Variants in EYS observed in about 807,000 individuals in gnomAD.
EYS encodes EGF-like photoreceptor maintenance factor.
EYS carries 250 observed loss-of-function variants against 282.1 expected under a neutral mutation model. The observed-to-expected ratio is 0.89, with a 90% CI of 0.80 to 0.98. The LOEUF (loss-of-function observed/expected upper bound fraction) is 0.98. Among genes scored for constraint, EYS ranks in the 50% least tolerant of loss-of-function variants. The pLI is 0.00. For synonymous variants in EYS, 1,355 were observed against 1,282.9 expected (o/e 1.06, Z -1.20); for missense variants, 4,016 against 3,709.0 (o/e 1.08, Z -2.15).
intron 36 of EYS, among the ~76,000 whole-genome samples, chr6:63,810,533 T>TGG (rs1384026319): frequency 6.6e-6 from 1 of 152,184 alleles, no homozygotes; most frequent in Non-Finnish European, 1.5e-5. Flanking sequence ...GGGAGGCAGC[T>TGG]GGGGCTGGCC....
intron 14 of EYS, among the ~76,000 whole-genome samples, chr6:64,965,164 C>G (rs1770050822): frequency 6.6e-6 from 1 of 151,988 alleles, no homozygotes; most frequent in Non-Finnish European, 1.5e-5. Context: ...TTCATGTAGT[C>G]TTTTTTGGAT....
intron 22 of EYS, among the ~76,000 whole-genome samples, chr6:64,811,728 CCA>C (rs1764600706): frequency 6.6e-6 from 1 of 152,116 alleles, no homozygotes; most frequent in Admixed American, 6.6e-5. Flanking sequence ...CACATCTCTG[CCA>C]TCCTATGGTG....
At chr6:64,634,647 T>A (rs536419234) in intron 22 of EYS, among the ~76,000 whole-genome samples, 1 of 151,750 alleles carries the variant, frequency 6.6e-6, no homozygotes, top group Non-Finnish European at 1.5e-5. Flanking sequence ...TGGGATGAGA[T>A]GAAAAGCATT....
intron 35 of EYS, among the ~76,000 whole-genome samples, chr6:63,869,672 G>T (rs901850890): frequency 6.6e-6 from 1 of 152,092 alleles, no homozygotes; most frequent in Admixed American, 6.6e-5. Context: ...CACAGTACTT[G>T]GCATTGATCA....
intron 33 of EYS, among the ~76,000 whole-genome samples, chr6:64,031,550 C>T (rs553296149): frequency 2.6e-5 from 4 of 152,368 alleles, no homozygotes; most frequent in East Asian, 1.9e-4. Context: ...ACCTGCGGCC[C>T]GGTGCAAGAT....
chr6:65,287,861 C>A (rs894629158), intron 12 of EYS, among the ~76,000 whole-genome samples: 1 of 151,132 alleles, frequency 6.6e-6, no homozygotes, highest in Non-Finnish European at 1.5e-5. Flanking sequence ...TCTCCCATAA[C>A]CTTTTCTTTT....
chr6:64,222,028 C>A (rs1192072482), intron 31 of EYS, among the ~76,000 whole-genome samples: 1 of 151,962 alleles, frequency 6.6e-6, no homozygotes, highest in Non-Finnish European at 1.5e-5. Flanking sequence ...GAACTGCAGG[C>A]AAAAGGTGGC....
intron 11 of EYS, among the ~76,000 whole-genome samples, chr6:65,317,993 G>C (rs1278407428): frequency 6.6e-6 from 1 of 151,044 alleles, no homozygotes; most frequent in African/African-American, 2.4e-5. Flanking sequence ...TCAGCCTCCA[G>C]AGTAGCTGGG....
intron 12 of EYS, among the ~76,000 whole-genome samples, chr6:65,239,087 C>G (rs1487706818): frequency 6.6e-6 from 1 of 151,818 alleles, no homozygotes; most frequent in Non-Finnish European, 1.5e-5. Flanking sequence ...ATTTTATTGC[C>G]CTTAATCTCC....
chr6:63,897,527 A>G (rs767831570), intron 35 of EYS, among the ~76,000 whole-genome samples: 11 of 152,154 alleles, frequency 7.2e-5, no homozygotes, highest in Non-Finnish European at 1.5e-4. Context: ...CAGAAACTGA[A>G]GAGGCAAGAT....
At chr6:64,617,905 C>T (rs1056422639) in intron 23 of EYS, among the ~76,000 whole-genome samples, 4 of 152,106 alleles carry the variant, frequency 2.6e-5, no homozygotes, top group Non-Finnish European at 5.9e-5. Context: ...AGAATAAAGA[C>T]ACTTAATAAT....
intron 12 of EYS, among the ~76,000 whole-genome samples, chr6:65,253,684 A>G (rs1767384526): frequency 6.6e-6 from 1 of 151,926 alleles, no homozygotes; most frequent in Non-Finnish European, 1.5e-5. Context: ...GGTCTTCAAA[A>G]TAGAAGTCAC....
intron 26 of EYS, among the ~76,000 whole-genome samples, chr6:64,544,087 C>T (rs1764772464): frequency 6.6e-6 from 1 of 152,148 alleles, no homozygotes; most frequent in Non-Finnish European, 1.5e-5. Flanking sequence ...TAACTCCAAT[C>T]ACTTAACAGT....
chr6:64,092,213 C>T lies in EYS; in HGVS notation c.6425-10211G>A, dbSNP rs1315108376. Among the ~76,000 whole-genome samples, 5 of 152,126 alleles carry T rather than the reference C, an allele frequency of 3.3e-5. No homozygotes were observed. The South Asian group carries it at 6.2e-4, about 19-fold the overall frequency. On this transcript the variant is annotated intron_variant, in intron 31 of 42. Transcript: ENST00000503581. ...TGTGAATAGTGCTGCAATAAACATA[C>T]GTGTGCATGTGTCTTTATAGCAGCA...
intron 41 of EYS, among the ~76,000 whole-genome samples, chr6:63,729,367 T>C (rs959144557): frequency 6.6e-6 from 1 of 152,096 alleles, no homozygotes; most frequent in Non-Finnish European, 1.5e-5. Context: ...ATTCTGCCTT[T>C]GGTTGGCATC....
intron 25 of EYS, among the ~76,000 whole-genome samples, chr6:64,592,337 C>T (rs1002866373): frequency 6.6e-6 from 1 of 151,990 alleles, no homozygotes; most frequent in African/African-American, 2.4e-5. Context: ...AATGTTTGAC[C>T]CATCGGGTTA....
At chr6:63,781,545 CTGTT>C (rs571715480) in intron 39 of EYS, among the ~76,000 whole-genome samples, 1,777 of 152,124 alleles carry the variant, frequency 0.012, 25 homozygotes, top group African/African-American at 0.041. Context: ...ATTTGGCTCT[CTGTT>C]TGTCTGTTAT....
intron 26 of EYS, among the ~76,000 whole-genome samples, chr6:64,581,254 A>T (rs35059324): frequency 0.098 from 14,927 of 152,104 alleles, 896 homozygotes; most frequent in East Asian, 0.16. Flanking sequence ...TTAAGTGGTC[A>T]GCATGTGAAG....
chr6:65,085,119 T>A (rs569520758), intron 12 of EYS, among the ~76,000 whole-genome samples: 1 of 151,944 alleles, frequency 6.6e-6, no homozygotes, highest in African/African-American at 2.4e-5. Context: ...AAATTATGAG[T>A]GATGAGTGAA....
Sources: gnomAD v4.1 joint callset for allele counts (sites outside exome capture counted in the v4.1 genomes callset) on GRCh38, gnomAD v4.1.1 for gene constraint, MANE v1.5 for transcripts, NCBI Gene and HGNC (gene_info 2026-07-23, HGNC 2026-07-21) for gene names.